Variants in SBF2 observed in about 807,000 individuals in gnomAD.
SBF2 encodes SET binding factor 2, also known as myotubularin-related protein 13.
Under a neutral mutation model 225.2 loss-of-function variants are expected in SBF2, and 112 were observed. That is an observed-to-expected ratio of 0.50 (90% CI 0.43 to 0.58). SBF2 has a LOEUF of 0.58. Among genes scored for constraint, SBF2 ranks in the 20% least tolerant of loss-of-function variants. SBF2 has a pLI of 0.00. For synonymous variants in SBF2, 763 were observed against 773.3 expected (o/e 0.99, Z 0.22); for missense variants, 1,996 against 2,206.2 (o/e 0.90, Z 1.91).
intron 1 of SBF2, among the ~76,000 whole-genome samples, chr11:10,229,272 T>C (rs575078615): frequency 2.0e-5 from 3 of 152,200 alleles, no homozygotes; most frequent in Non-Finnish European, 2.9e-5. Flanking sequence ...AACCAGCTCC[T>C]GGATTCATTG....
chr11:10,126,421 T>C (rs12363292), intron 2 of SBF2, among the ~76,000 whole-genome samples: 24,803 of 152,030 alleles, frequency 0.16, 2,576 homozygotes, highest in Middle Eastern at 0.27. Flanking sequence ...TCTTGATAAA[T>C]GGTCAATGTG....
intron 17 of SBF2, among the ~76,000 whole-genome samples, chr11:9,890,378 A>C (rs1860700575): frequency 6.6e-6 from 1 of 152,144 alleles, no homozygotes; most frequent in African/African-American, 2.4e-5. Flanking sequence ...TCTTCAAACA[A>C]ATCTTTTGAA....
chr11:9,911,146 T>A (rs141903244), intron 16 of SBF2, among the ~76,000 whole-genome samples: 11,618 of 151,850 alleles, frequency 0.077, 519 homozygotes, highest in East Asian at 0.11. Context: ...GTCAGGTGGA[T>A]CATGAGGTCA....
rs140159658 is a variant in SBF2 at position 10,067,937 on chromosome 11, A to C, written c.142-24956T>G. On this transcript the variant is annotated intron_variant, in intron 2 of 39. Transcript: ENST00000256190. ...AACAGACAAATAAAACAAAACACAG[A>C]AACCCACACATAGAAGGACAACTGA... Among the ~76,000 whole-genome samples, 331 of 152,304 alleles carry C rather than the reference A, an allele frequency of 2.2e-3. 2 individuals are homozygous for C. Among genetic ancestry groups the C allele is most frequent in the African/African-American group, 7.5e-3 (313 of 41,576 alleles).
chr11:10,144,272 G>C (rs915226127), intron 2 of SBF2, among the ~76,000 whole-genome samples: 1 of 152,112 alleles, frequency 6.6e-6, no homozygotes. Flanking sequence ...CAGATGGCTT[G>C]AGCCCAGGAG....
chr11:10,260,874 C>T (rs747360417), intron 1 of SBF2, among the ~76,000 whole-genome samples: 4 of 148,770 alleles, frequency 2.7e-5, no homozygotes, highest in African/African-American at 5.0e-5. Context: ...AGAGACCCTG[C>T]CTCAAAAAAG....
chr11:9,957,158 G>C (rs573369617), intron 16 of SBF2: 2 of 152,300 alleles, frequency 1.3e-5, no homozygotes, highest in African/African-American at 4.8e-5. Flanking sequence ...ATGTGGACAA[G>C]TATATGTCTT....
intron 4 of SBF2, among the ~76,000 whole-genome samples, chr11:10,030,265 C>A (rs1023265556): frequency 2.9e-4 from 44 of 152,088 alleles, no homozygotes; most frequent in African/African-American, 1.1e-3. Context: ...GCTTATTCTA[C>A]AGAAAAATTT....
chr11:10,144,044 T>C (rs1263243453), intron 2 of SBF2, among the ~76,000 whole-genome samples: 1 of 152,170 alleles, frequency 6.6e-6, no homozygotes, highest in Non-Finnish European at 1.5e-5. Context: ...GACAAATGCA[T>C]AGAGATATGT....
chr11:10,015,137 C>T (rs1281623089), intron 6 of SBF2, among the ~76,000 whole-genome samples: 2 of 151,662 alleles, frequency 1.3e-5, no homozygotes, highest in African/African-American at 4.8e-5. Flanking sequence ...CACCCTGTCT[C>T]AATAATAATA....
intron 13 of SBF2, among the ~76,000 whole-genome samples, chr11:9,972,377 C>G (rs1453768037): frequency 3.9e-5 from 6 of 152,270 alleles, no homozygotes. Flanking sequence ...TGGCATGGTA[C>G]CATGCTTCTA....
chr11:9,992,414 C>A lies in SBF2; in HGVS notation c.1296+1G>T. ...ATGCCTTCATTTAATAAGAGCTATA[C>A]CTCATCAAAGAGATCACAAGATCTA... On this transcript the variant is annotated splice_donor_variant, in intron 12 of 39. Transcript: ENST00000256190. LOFTEE classifies it high-confidence loss of function. The A allele has an allele frequency of 6.2e-7, 1 of 1,611,766 alleles. No individual in the cohort carries two copies. The highest frequency in any genetic ancestry group is 8.5e-7 in the Non-Finnish European group (1 of 1,178,476).
At chr11:10,189,562 C>A (rs1957075576) in intron 2 of SBF2, among the ~76,000 whole-genome samples, 1 of 151,908 alleles carries the variant, frequency 6.6e-6, no homozygotes, top group African/African-American at 2.4e-5. Flanking sequence ...TCTTTTTCCT[C>A]TCTTCTCCTC....
intron 6 of SBF2, among the ~76,000 whole-genome samples, chr11:10,028,115 T>C (rs898006201): frequency 1.3e-5 from 2 of 152,102 alleles, no homozygotes; most frequent in African/African-American, 2.4e-5. Flanking sequence ...GGTCTCACTA[T>C]GTTGTCCAGG....
chr11:10,302,828 AC>A, intron 1 of SBF2: 2 of 152,548 alleles, frequency 1.3e-5, no homozygotes, highest in Non-Finnish European at 2.9e-5. Flanking sequence ...GCCGCGCCCC[AC>A]CCCCCAGGAC....
intron 16 of SBF2, among the ~76,000 whole-genome samples, chr11:9,922,080 G>A (rs968100420): frequency 9.9e-5 from 15 of 151,852 alleles, no homozygotes; most frequent in Middle Eastern, 3.4e-3. Flanking sequence ...GACTCCGATT[G>A]TACAAAAAAC....
chr11:10,252,186 T>G (rs1000924159), intron 1 of SBF2, among the ~76,000 whole-genome samples: 2 of 152,252 alleles, frequency 1.3e-5, no homozygotes, highest in African/African-American at 4.8e-5. Flanking sequence ...TGTTCTACTA[T>G]TTCCCAGTGG....
intron 13 of SBF2, among the ~76,000 whole-genome samples, chr11:9,980,381 C>T (rs1946901666): frequency 6.6e-6 from 1 of 151,824 alleles, no homozygotes; most frequent in Admixed American, 6.6e-5. Flanking sequence ...AGCAATCCTC[C>T]TGCCTCGGCC....
rs551838582 is a variant in SBF2, at chr11:10,179,200, G to T, written c.141+14702C>A. ...CACACTCTGGGGACTGTTGTATGGT[G>T]GGGGGAGGCGGGAGGGATAGCATTG... On this transcript the variant is annotated intron_variant, in intron 2 of 39. Coordinates refer to ENST00000256190, the MANE Select transcript of SBF2 (RefSeq NM_030962.4). Among the ~76,000 whole-genome samples the T allele has an allele frequency of 5.3e-5, 8 of 151,428 alleles. No individual in the cohort carries two copies. In the East Asian group the frequency reaches 1.2e-3, roughly 22 times the overall value.
Sources: allele counts gnomAD v4.1 joint callset (sites outside exome capture counted in the v4.1 genomes callset), GRCh38; gene constraint gnomAD v4.1.1; transcripts MANE v1.5; gene names NCBI Gene and HGNC (gene_info 2026-07-23, HGNC 2026-07-21).